The following DNAH6 variants were observed in gnomAD, a reference collection of about 807,000 sequenced individuals.
DNAH6 encodes the protein axonemal beta dynein heavy chain 6.
Under a neutral mutation model 491.4 loss-of-function variants are expected in DNAH6, and 340 were observed. The ratio of observed to expected loss-of-function variants is 0.69; its 90% CI spans 0.63 to 0.76. The LOEUF (loss-of-function observed/expected upper bound fraction) is 0.76, where lower values mean the gene tolerates loss of function less well. DNAH6 is among the 30% of genes least tolerant of loss of function. The pLI is 0.00. For missense variants in DNAH6, 4,443 were observed against 4,972.2 expected, an observed-to-expected ratio of 0.89 and a Z score of 3.20; for synonymous variants, 1,603 against 1,686.1, an observed-to-expected ratio of 0.95 and a Z score of 1.21.
intron 44 of DNAH6, among the ~76,000 whole-genome samples, chr2:84,688,177 G>T (rs1694467949): frequency 6.6e-6 from 1 of 150,830 alleles, no homozygotes; most frequent in Non-Finnish European, 1.5e-5. Flanking sequence ...GAAGGTTGTG[G>T]TGAGCTGAGA....
intron 64 of DNAH6, among the ~76,000 whole-genome samples, chr2:84,776,067 A>T (rs1486278408): frequency 6.6e-6 from 1 of 152,096 alleles, no homozygotes; most frequent in African/African-American, 2.4e-5. Flanking sequence ...AGATCTTTTC[A>T]CATTATATTG....
chr2:84,763,045 C>T lies in DNAH6; in HGVS notation c.10703+100C>T. 3 of 842,250 alleles carry T rather than the reference C, an allele frequency of 3.6e-6. 1 individual carries two copies. Among genetic ancestry groups the T allele is most frequent in the Non-Finnish European group, 3.8e-6 (2 of 526,444 alleles). 52.2% of individuals were successfully genotyped at this position (842,250 alleles called of 1,614,324 possible). A position where few individuals can be genotyped will look rare whatever the true frequency, so the allele number is the denominator to read the frequency against. ...TCCCCTTGTAGAGCATAAATTCTTA[C>T]ATTCAGGTATCACTTACTACATAAA... On this transcript the variant is annotated intron_variant, in intron 64 of 76. Coordinates refer to ENST00000389394, the MANE Select transcript of DNAH6 (RefSeq NM_001370.2).
At chr2:84,555,577 A>G (rs990707047) in intron 10 of DNAH6, among the ~76,000 whole-genome samples, 5 of 152,048 alleles carry the variant, frequency 3.3e-5, no homozygotes, top group Non-Finnish European at 7.4e-5. Context: ...ATATCTACCT[A>G]TCTATATCTC....
intron 21 of DNAH6, among the ~76,000 whole-genome samples, chr2:84,608,742 G>C (rs1212870679): frequency 6.6e-6 from 1 of 152,156 alleles, no homozygotes; most frequent in South Asian, 2.1e-4. Flanking sequence ...ATGAGCATTG[G>C]TTCTAACTCA....
At chr2:84,741,251 C>T (rs533053539) in intron 62 of DNAH6, among the ~76,000 whole-genome samples, 1 of 152,238 alleles carries the variant, frequency 6.6e-6, no homozygotes, top group Non-Finnish European at 1.5e-5. Flanking sequence ...CACAGCTCAG[C>T]ACTACATTCT....
At chr2:84,669,563 G>A (rs201370294) in intron 38 of DNAH6, 53 bp downstream of exon 38, 238 of 1,426,490 alleles carry the variant, frequency 1.7e-4, no homozygotes, top group Middle Eastern at 1.0e-3. Flanking sequence ...GGGCATGATG[G>A]ACTTAGAATC....
chr2:84,781,527 C>T lies in DNAH6; in HGVS notation c.10738C>T (p.Pro3580Ser). ...AATTTCACTGGGGCAAGGACAAGGA[C>T]CTATTGCTGAAAAAATGGTCAAGGA... ...QSISLGQGQGPIAEKMVKDAM... is the reference protein window; with the variant it reads ...QSISLGQGQGSIAEKMVKDAM... The change falls in exon 65 of 77, where the codon CCT becomes TCT. Residue 3580 changes from proline (P) to serine (S), a missense_variant. By Grantham distance (74) the Pro-to-Ser change is moderately conservative. Around this residue, in one of 3 missense-constraint regions of DNAH6, gnomAD observed 1,463 missense variants for 1,656.6 expected, o/e 0.88. Transcript: ENST00000389394. The T allele has an allele frequency of 6.4e-7, 1 of 1,551,380 alleles. No homozygotes were observed. The highest frequency in any genetic ancestry group is 8.7e-7 in the Non-Finnish European group (1 of 1,146,820).
At chr2:84,720,337 G>A (rs1170915450) in intron 59 of DNAH6, among the ~76,000 whole-genome samples, 1 of 138,986 alleles carries the variant, frequency 7.2e-6, no homozygotes, top group Non-Finnish European at 1.5e-5. Flanking sequence ...GGAGTGCAGT[G>A]GCGGGATCTC....
chr2:84,730,011 G>A (rs896568991), intron 61 of DNAH6, among the ~76,000 whole-genome samples: 2 of 152,130 alleles, frequency 1.3e-5, no homozygotes, highest in African/African-American at 2.4e-5. Flanking sequence ...CAAGGAAATG[G>A]TGCAGCAAAA....
rs1287684384 is a variant in DNAH6 at position 84,709,535 on chromosome 2, C to A, written c.9241C>A (p.Pro3081Thr). 4 of 1,551,548 alleles carry A rather than the reference C, an allele frequency of 2.6e-6. No homozygotes were observed. In the South Asian group the frequency reaches 3.6e-5, roughly 14 times the overall value. ...QGRRWPLMID[P>T]QDQANRWIRN... is the part of the protein sequence containing the mutation. ...CAGAAGATGGCCTTTGATGATTGAT[C>A]CCCAAGATCAGGTGTGTAGCAAATG... The change falls in exon 55 of 77, where the codon CCC (proline) becomes ACC (threonine). Residue 3081 changes from proline to threonine, a missense_variant. Transcript: ENST00000389394.
the DNAH6 span, among the ~76,000 whole-genome samples, chr2:84,475,364 T>G: frequency 0.011 from 1,629 of 152,298 alleles, 42 homozygotes; most frequent in African/African-American, 0.037. Flanking sequence ...CTCTTCCCAT[T>G]TCCCAAAAGC....
chr2:84,630,325 T>C (rs1184245137), intron 29 of DNAH6, among the ~76,000 whole-genome samples: 1 of 152,194 alleles, frequency 6.6e-6, no homozygotes, highest in Non-Finnish European at 1.5e-5. Context: ...CGATCACAAC[T>C]TTGACAATCA....
At chr2:84,806,618 C>CAAAAAAAA (rs1162301447) in intron 71 of DNAH6, among the ~76,000 whole-genome samples, 1 of 38,500 alleles carries the variant, frequency 2.6e-5, no homozygotes, top group Non-Finnish European at 5.3e-5. Context: ...GACTCAGTCT[C>CAAAAAAAA]AAAAAAAAAA....
Position 84,613,130 on chromosome 2 carries a change from TGA to T in DNAH6, c.3475+1290_3475+1291del, listed in dbSNP as rs368816073. 3.8e-4 allele frequency among the ~76,000 whole-genome samples: 57 copies of T among 150,276 alleles called. No individual in the cohort carries two copies. In the East Asian group the frequency reaches 4.7e-3, roughly 12 times the overall value. ...AGAAAAATAAAGTAGGGTAAATTGG[TGA>T]GAGAGAGAGAGAGTGTGTGTGTGTG... is the stretch of plus-strand genomic sequence containing the variant. On this transcript the variant is annotated intron_variant, in intron 22 of 76. Transcript: ENST00000389394.
At chr2:84,475,715 C>T in the DNAH6 span, among the ~76,000 whole-genome samples, 3 of 152,240 alleles carry the variant, frequency 2.0e-5, no homozygotes, top group East Asian at 3.9e-4. Flanking sequence ...GCATTAGCAT[C>T]GTCATATGCA....
intron 70 of DNAH6, among the ~76,000 whole-genome samples, 191 bp downstream of exon 70, chr2:84,797,849 A>AC (rs888911710): frequency 5.6e-4 from 85 of 152,278 alleles, no homozygotes; most frequent in African/African-American, 1.9e-3. Flanking sequence ...GAATCCTAAG[A>AC]CCATCATGCA....
chr2:84,742,030 T>A (rs1183927951), intron 62 of DNAH6, among the ~76,000 whole-genome samples: 3 of 152,238 alleles, frequency 2.0e-5, no homozygotes, highest in Non-Finnish European at 2.9e-5. Context: ...TTACTTCTGG[T>A]ACTTCATGTC....
In DNAH6 at chr2:84,813,079, C is replaced by G. The variant is rs202017484; in HGVS notation, c.11947C>G (p.Pro3983Ala). Residue 3983 changes from proline to alanine, a missense_variant, in exon 74 of 77, where the codon CCT (proline) becomes GCT (alanine). Physicochemically the swap from Pro to Ala is conservative, Grantham distance 27. Around this residue, in one of 3 missense-constraint regions of DNAH6, gnomAD observed 1,463 missense variants for 1,656.6 expected, o/e 0.88. Coordinates refer to ENST00000389394, the MANE Select transcript of DNAH6 (RefSeq NM_001370.2). ...FVDLWLKRGQPKSYWISGFFF... is the reference protein window; with the variant it reads ...FVDLWLKRGQAKSYWISGFFF... ...TCAGCTGTGGCTCAAAAGAGGACAG[C>G]CTAAGTCCTACTGGATCTCTGGTTT... 1.3e-6 allele frequency: 2 copies of G among 1,551,634 alleles called. No individual in the cohort carries two copies. Among genetic ancestry groups the G allele is most frequent in the African/African-American group, 1.4e-5 (1 of 73,152 alleles).
intron 30 of DNAH6, 28 bp from the exon 31 acceptor site, chr2:84,637,182 T>G (rs1024692007): frequency 3.5e-5 from 52 of 1,506,570 alleles, no homozygotes; most frequent in Non-Finnish European, 4.4e-5. Flanking sequence ...TCTGGAAGAG[T>G]GTTAACTTAT....
Sources: allele counts gnomAD v4.1 joint callset (sites outside exome capture counted in the v4.1 genomes callset), GRCh38; gene constraint gnomAD v4.1.1; regional missense constraint gnomAD v4.1.1; transcripts MANE v1.5; gene names NCBI Gene and HGNC (gene_info 2026-07-23, HGNC 2026-07-21).